Variants in HS1BP3 observed in about 807,000 individuals in gnomAD.
HS1BP3 encodes the protein HCLS1-binding protein 3.
A neutral mutation model predicts 33.5 loss-of-function variants in HS1BP3; 32 were observed. The observed-to-expected ratio is 0.95, with a 90% confidence interval of 0.72 to 1.28. The LOEUF is 1.28. HS1BP3 is among the 50% of genes most tolerant of loss of function. The pLI, the probability that HS1BP3 is intolerant of heterozygous loss-of-function variation, is 0.00. For synonymous variants in HS1BP3, 187 were observed against 209.2 expected (o/e 0.89, Z 0.92); for missense variants, 486 against 502.3 (o/e 0.97, Z 0.31).
rs1250671071 is a variant in HS1BP3 at position 20,599,105 on chromosome 2, T to C, written c.179-840A>G. ...CTGGGGGCCTGTAGCCTGCTGGAGA[T>C]ACTGCTAAATCCTGGTGGAAACGTG... On this transcript the variant is annotated intron_variant, in intron 2 of 3. Coordinates refer to the HS1BP3 transcript ENST00000415264. Among the ~76,000 whole-genome samples the C allele has an allele frequency of 2.6e-5, 4 of 152,358 alleles. No individual in the cohort carries two copies. The East Asian group carries it at 7.7e-4, about 29-fold the overall frequency.
At chr2:20,620,108 C>A (rs1335689957) in intron 6 of HS1BP3, among the ~76,000 whole-genome samples, 1 of 152,266 alleles carries the variant, frequency 6.6e-6, no homozygotes, top group African/African-American at 2.4e-5. Flanking sequence ...TTCTGGAGAC[C>A]AGATGCACAG....
intron 6 of HS1BP3, among the ~76,000 whole-genome samples, chr2:20,621,239 C>A (rs1338957828): frequency 6.6e-6 from 1 of 152,224 alleles, no homozygotes; most frequent in Admixed American, 6.5e-5. Context: ...AGCACAGCAC[C>A]CCCAGGGGTG....
intron 6 of HS1BP3, among the ~76,000 whole-genome samples, chr2:20,619,975 C>T (rs1694544470): frequency 6.6e-6 from 1 of 152,338 alleles, no homozygotes; most frequent in Admixed American, 6.5e-5. Flanking sequence ...GTCATGACCC[C>T]AGACCTCTAA....
intron 3 of HS1BP3, among the ~76,000 whole-genome samples, chr2:20,594,829 C>T (rs1355789221): frequency 6.6e-6 from 1 of 152,128 alleles, no homozygotes; most frequent in Non-Finnish European, 1.5e-5. Flanking sequence ...AGGGGGCTGT[C>T]TTGCTGCATC....
At chr2:20,590,133 G>C (rs913366914), downstream of HS1BP3, among the ~76,000 whole-genome samples, 1 of 152,104 alleles carries the variant, frequency 6.6e-6, no homozygotes, top group African/African-American at 2.4e-5. Flanking sequence ...CAAGCAGATG[G>C]GGCTGCTGAG....
chr2:20,645,036 G>A (rs771307721), intron 2 of HS1BP3, among the ~76,000 whole-genome samples: 8 of 152,110 alleles, frequency 5.3e-5, no homozygotes, highest in South Asian at 2.1e-4. Flanking sequence ...CTCAGCCACC[G>A]CCTCTTCCAA....
chr2:20,638,246 A>G (rs1695214892), intron 4 of HS1BP3, 190 bp downstream of exon 4: 1 of 614,532 alleles, frequency 1.6e-6, no homozygotes, highest in Non-Finnish European at 2.9e-6. Flanking sequence ...TCCCAGAGAC[A>G]TGCACACCAC....
intron 3 of HS1BP3, among the ~76,000 whole-genome samples, chr2:20,597,148 G>T (rs1241597248): frequency 6.6e-6 from 1 of 152,194 alleles, no homozygotes; most frequent in Non-Finnish European, 1.5e-5. Flanking sequence ...GCCAGAAGCA[G>T]CATGAGGCCC....
At chr2:20,571,735 C>A (rs1207045196) in intron 5 of HS1BP3, among the ~76,000 whole-genome samples, 1 of 152,186 alleles carries the variant, frequency 6.6e-6, no homozygotes, top group Non-Finnish European at 1.5e-5. Context: ...CAGAGCTTCC[C>A]CCAGGAGTCT....
Position 20,641,200 on chromosome 2 carries a change from T to G in HS1BP3, c.199-20A>C, listed in dbSNP as rs770878990. The G allele has an allele frequency of 6.3e-7, 1 of 1,594,570 alleles. No homozygotes were observed. The highest frequency in any genetic ancestry group is 8.5e-7 in the Non-Finnish European group (1 of 1,174,880). ...GGAGACCTGGAATGAGAGGAGCATG[T>G]GGTTTCCTGAGTGAAGAGTGGCAGG... On this transcript the variant is annotated intron_variant, in intron 2 of 6. Coordinates refer to ENST00000304031, the MANE Select transcript of HS1BP3 (RefSeq NM_022460.4).
At chr2:20,615,517 A>G (rs565430086), downstream of HS1BP3, among the ~76,000 whole-genome samples, 2 of 152,362 alleles carry the variant, frequency 1.3e-5, no homozygotes, top group East Asian at 3.9e-4. Context: ...CAGCTCCTTG[A>G]GGAGGCTCTG....
intron 4 of HS1BP3, among the ~76,000 whole-genome samples, chr2:20,631,691 T>C (rs936169444): frequency 6.6e-6 from 1 of 151,968 alleles, no homozygotes; most frequent in African/African-American, 2.4e-5. Context: ...CAGGACTCAG[T>C]GACAATCCCA....
chr2:20,627,002 G>T lies in HS1BP3; in HGVS notation c.624-2110C>A, dbSNP rs112818057. The stretch of plus-strand genomic sequence containing the variant: ...AAGCTGACCCCAGCCAAGACCCACT[G>T]AGTCGGAAACCCCAAGCAGGCCCAG... On this transcript the variant is annotated intron_variant, in intron 4 of 6. Transcript: ENST00000304031. Among the ~76,000 whole-genome samples the T allele has an allele frequency of 4.7e-3, 710 of 152,332 alleles. 7 individuals are homozygous for T. The highest frequency in any genetic ancestry group is 0.016 in the African/African-American group (677 of 41,578).
At chr2:20,616,387 C>T (rs1279222115), downstream of HS1BP3, among the ~76,000 whole-genome samples, 1 of 152,172 alleles carries the variant, frequency 6.6e-6, no homozygotes, top group Non-Finnish European at 1.5e-5. Context: ...ATCCCTGGGT[C>T]CCAGGGCTGA....
Position 20,597,674 on chromosome 2 carries a change from T to A in HS1BP3, c.*12+534A>T, listed in dbSNP as rs1182976696. 3.3e-5 allele frequency among the ~76,000 whole-genome samples: 5 copies of A among 151,962 alleles called. No individual in the cohort carries two copies. In the South Asian group the frequency reaches 8.3e-4, roughly 25 times the overall value. On this transcript the variant is annotated intron_variant, in intron 3 of 3. Transcript: ENST00000415264. Reference sequence around the variant, plus strand: ...TTTTTTGCTTGAGAAAAAAAAAAAATTCTTGCTGATTAAAGAAAAACAACC... The same window carrying A: ...TTTTTTGCTTGAGAAAAAAAAAAAAATCTTGCTGATTAAAGAAAAACAACC...
At chr2:20,613,764 C>T (rs1694360943), downstream of HS1BP3, among the ~76,000 whole-genome samples, 1 of 152,218 alleles carries the variant, frequency 6.6e-6, no homozygotes, top group African/African-American at 2.4e-5. Context: ...GTGAAACCGA[C>T]ATGGCACTGC....
rs566087833 is a variant in HS1BP3, at chr2:20,626,230, T to A, written c.624-1338A>T. 2.0e-5 allele frequency among the ~76,000 whole-genome samples: 3 copies of A among 151,686 alleles called. No homozygotes were observed. In the East Asian group the frequency reaches 5.9e-4, roughly 30 times the overall value. On this transcript the variant is annotated intron_variant, in intron 4 of 6. Transcript: ENST00000304031. ...AGGTGACCATTCCCACAGTCTGGAG[T>A]CTGAGGTCTGGCAGAATCCCAGGCA...
At chr2:20,593,651 C>T (rs1439142078) in intron 3 of HS1BP3, among the ~76,000 whole-genome samples, 2 of 152,120 alleles carry the variant, frequency 1.3e-5, no homozygotes, top group Non-Finnish European at 2.9e-5. Context: ...GAGCCCACAT[C>T]ATGAGTCACC....
intron 6 of HS1BP3, among the ~76,000 whole-genome samples, chr2:20,619,614 G>T (rs185209101): frequency 6.6e-6 from 1 of 152,192 alleles, no homozygotes; most frequent in South Asian, 2.1e-4. Context: ...CAGAGTTCCC[G>T]CTCTGTACAG....
Sources: gnomAD v4.1 joint callset for allele counts (sites outside exome capture counted in the v4.1 genomes callset) on GRCh38, gnomAD v4.1.1 for gene constraint, MANE v1.5 for transcripts, NCBI Gene and HGNC (gene_info 2026-07-23, HGNC 2026-07-21) for gene names.